Variants in PRSS56 observed in about 807,000 individuals in gnomAD.
PRSS56 encodes the protein serine protease 56, also known as protease, serine 56.
PRSS56 carries 55 observed loss-of-function variants against 66.8 expected under a neutral mutation model. The ratio of observed to expected loss-of-function variants is 0.82; its 90% confidence interval spans 0.66 to 1.03. The LOEUF (loss-of-function observed/expected upper bound fraction) is 1.03, where lower values mean the gene tolerates loss of function less well. PRSS56 is among the 50% of genes least tolerant of loss of function. PRSS56 has a pLI of 0.00. For missense variants in PRSS56, 869 were observed against 837.2 expected (o/e 1.04, Z -0.47); for synonymous variants, 409 against 387.9 (o/e 1.05, Z -0.64).
intron 2 of PRSS56, 113 bp from the exon 3 acceptor site, chr2:232,521,702 TG>T: frequency 9.4e-7 from 1 of 1,069,508 alleles, no homozygotes; most frequent in Non-Finnish European, 1.3e-6. Context: ...AGAACCCGTG[TG>T]GGCTGGAGGG....
Position 232,520,480 on chromosome 2 carries a change from G to T in PRSS56, c.-119G>T, listed in dbSNP as rs1691253498. The T allele has an allele frequency of 1.3e-6, 1 of 793,008 alleles. No homozygotes were observed. The highest frequency in any genetic ancestry group is 1.5e-5 in the South Asian group (1 of 68,296). 49.1% of individuals were successfully genotyped at this position (793,008 alleles called of 1,614,324 possible). On this transcript the variant is annotated 5_prime_UTR_variant, in exon 1 of 13. Transcript: ENST00000617714. Reference sequence around the variant, plus strand: ...CGGGGTCAGATGATTTGAGGGACAAGAATTCAGTGCCCGGGGGCCGAAAGG... The same window carrying T: ...CGGGGTCAGATGATTTGAGGGACAATAATTCAGTGCCCGGGGGCCGAAAGG...
intron 11 of PRSS56, 107 bp downstream of exon 11, chr2:232,524,476 C>T: frequency 2.7e-6 from 3 of 1,103,058 alleles, no homozygotes; most frequent in South Asian, 1.5e-5. Flanking sequence ...CATGGGGCAA[C>T]AGGGTGGACT....
chr2:232,522,044 G>A lies in PRSS56; in HGVS notation c.330G>A (p.Ala110=), dbSNP rs1015645906. Residue 110 remains alanine, a synonymous_variant, in exon 4 of 13, where the codon GCG becomes GCA. Coordinates refer to ENST00000617714, the MANE Select transcript of PRSS56 (RefSeq NM_001195129.2). The part of the protein sequence containing the change: ...RAHGRIVGGS[A]APPGAWPWLV... ...ACGGCCGCATCGTGGGGGGCAGCGC[G>A]GCGCCGCCCGGGGCCTGGCCCTGGC... 1.3e-6 allele frequency: 2 copies of A among 1,485,872 alleles called. No individual in the cohort carries two copies. Among genetic ancestry groups the A allele is most frequent in the Non-Finnish European group, 1.8e-6 (2 of 1,125,114 alleles). The allele number at this position is 1,485,872 out of a possible 1,614,324, so 92.0% of individuals were successfully genotyped here.
chr2:232,520,512 A>G lies in PRSS56; in HGVS notation c.-87A>G. The G allele has an allele frequency of 9.5e-7, 1 of 1,054,894 alleles. No homozygotes were observed. Among genetic ancestry groups the G allele is most frequent in the Non-Finnish European group, 1.4e-6 (1 of 708,018 alleles). The allele number at this position is 1,054,894 out of a possible 1,614,324, so 65.3% of individuals were successfully genotyped here. A position where few individuals can be genotyped will look rare whatever the true frequency, so the allele number is the denominator to read the frequency against. On this transcript the variant is annotated 5_prime_UTR_variant, in exon 1 of 13. Coordinates refer to ENST00000617714, the MANE Select transcript of PRSS56 (RefSeq NM_001195129.2). Reference sequence around the variant, plus strand: ...GTGCCCGGGGGCCGAAAGGCAGCAGAAGGCGGGCACCAAAGGATAGGCACC... The same window carrying G: ...GTGCCCGGGGGCCGAAAGGCAGCAGGAGGCGGGCACCAAAGGATAGGCACC...
At chr2:232,524,633 T>G in intron 11 of PRSS56, 105 bp from the exon 12 acceptor site, 1 of 796,564 alleles carries the variant, frequency 1.3e-6, no homozygotes, top group South Asian at 1.8e-5. Context: ...CATAAGAGGA[T>G]AAGTGTGTCC....
At position 232,522,025 on chromosome 2, in the gene PRSS56, G is replaced by A; in HGVS notation, c.311G>A (p.Arg104His). ...STANVTRAHG[R>H]IVGGSAAPPG... ...GCCAATGTGACGCGGGCCCACGGCC[G>A]CATCGTGGGGGGCAGCGCGGCGCCG... Residue 104 changes from arginine to histidine, a missense_variant, in exon 4 of 13, where the codon CGC becomes CAC. By Grantham distance (29) the Arg-to-His change is conservative (BLOSUM62 0). Around this residue, in one of 3 missense-constraint regions of PRSS56, gnomAD observed 315 missense variants for 313.7 expected, o/e 1.00. Coordinates refer to ENST00000617714, the MANE Select transcript of PRSS56 (RefSeq NM_001195129.2). 4 of 1,457,512 alleles carry A rather than the reference G, an allele frequency of 2.7e-6. No homozygotes were observed. Among genetic ancestry groups the A allele is most frequent in the East Asian group, 2.6e-5 (1 of 38,742 alleles). The allele number at this position is 1,457,512 out of a possible 1,614,324, so 90.3% of individuals were successfully genotyped here. A position where few individuals can be genotyped will look rare whatever the true frequency, so the allele number is the denominator to read the frequency against.
At position 232,521,383 on chromosome 2, in the gene PRSS56, A is replaced by G; in HGVS notation, c.160A>G (p.Asn54Asp). The G allele has an allele frequency of 6.5e-7, 1 of 1,536,090 alleles. No homozygotes were observed. The highest frequency in any genetic ancestry group is 8.7e-7 in the Non-Finnish European group (1 of 1,146,886). ...CCAGAGGAGCGCCCAGTGGGCAATA[A>G]ACCGAGTGGCGATGGAGATCCAGCA... ...AAQRSAQWAINRVAMEIQHRS... is the reference protein window; with the variant it reads ...AAQRSAQWAIDRVAMEIQHRS... Residue 54 changes from asparagine (N) to aspartate (D), a missense_variant, in exon 2 of 13, where the codon AAC (asparagine) becomes GAC (aspartate). Asn to Asp is a conservative substitution (Grantham distance 23, BLOSUM62 1). Transcript: ENST00000617714.
chr2:232,522,772 C>T lies in PRSS56; in HGVS notation c.617C>T (p.Ser206Leu). The stretch of plus-strand genomic sequence containing the variant: ...TGGACGCCGGTGAGCCCGGGGGGAT[C>T]GGCGCGCCCCGTGTGCCTGCCCCAG... Reference protein sequence around the residue: ...QLWTPVSPGGSARPVCLPQEP... With the variant: ...QLWTPVSPGGLARPVCLPQEP... Residue 206 changes from serine (S) to leucine (L), a missense_variant, in exon 6 of 13, where the codon TCG becomes TTG. Ser to Leu is a moderately radical substitution (Grantham distance 145, BLOSUM62 -2). This residue lies in a region of PRSS56 where 315 missense variants were observed against 313.7 expected (regional missense o/e 1.00). Transcript: ENST00000617714. 6.6e-7 allele frequency: 1 copy of T among 1,523,928 alleles called. No individual in the cohort carries two copies. The highest frequency in any genetic ancestry group is 8.8e-7 in the Non-Finnish European group (1 of 1,138,504). The allele number at this position is 1,523,928 out of a possible 1,614,324, so 94.4% of individuals were successfully genotyped here.
rs733603 is a variant in PRSS56 at position 232,522,925 on chromosome 2, A to G, written c.706+64A>G. 1,206,828 of 1,457,484 alleles carry G rather than the reference A, an allele frequency of 0.83. 500,195 individuals carry two copies. The highest frequency in any genetic ancestry group is 0.94 in the East Asian group (37,318 of 39,550). The allele number at this position is 1,457,484 out of a possible 1,614,324, so 90.3% of individuals were successfully genotyped here. On this transcript the variant is annotated intron_variant, in intron 6 of 12. Transcript: ENST00000617714. ...CTGGGGGTCCGAGGTAATAGAGTGT[A>G]GGGAGGCCGGGTTGCCTTGGAAAAA...
rs1574621061 is a variant in PRSS56, at chr2:232,520,460, T to G, written c.-139T>G. 3 of 705,794 alleles carry G rather than the reference T, an allele frequency of 4.3e-6. No homozygotes were observed. The highest frequency in any genetic ancestry group is 7.5e-6 in the Non-Finnish European group (3 of 399,380). The allele number at this position is 705,794 out of a possible 1,614,324, so 43.7% of individuals were successfully genotyped here. A position where few individuals can be genotyped will look rare whatever the true frequency, so the allele number is the denominator to read the frequency against. On this transcript the variant is annotated 5_prime_UTR_variant, in exon 1 of 13. Transcript: ENST00000617714. ...GTAATTTTGATGTAAGAGAACGGGG[T>G]CAGATGATTTGAGGGACAAGAATTC...
rs574913658 is a variant in PRSS56 at position 232,523,910 on chromosome 2, C to A, written c.1151C>A (p.Ala384Glu). The change falls in exon 9 of 13, where the codon GCG becomes GAG. Residue 384 changes from alanine to glutamate, a missense_variant. By Grantham distance (107) the Ala-to-Glu change is moderately radical (BLOSUM62 -1). Transcript: ENST00000617714. The stretch of plus-strand genomic sequence containing the variant: ...TCCCAGGGCGCCTGTGCGCGCCTGG[C>A]GCACCAGCAGTGCCTGCAGCGCCGG... Reference protein sequence around the residue: ...PGSQGACARLAHQQCLQRRRR... With the variant: ...PGSQGACARLEHQQCLQRRRR... 4.6e-6 allele frequency: 7 copies of A among 1,517,344 alleles called. No individual in the cohort carries two copies. Among genetic ancestry groups the A allele is most frequent in the Middle Eastern group, 1.9e-4 (1 of 5,390 alleles). 94.0% of individuals were successfully genotyped at this position (1,517,344 alleles called of 1,614,324 possible). A position where few individuals can be genotyped will look rare whatever the true frequency, so the allele number is the denominator to read the frequency against.
rs1379868560 is a variant in PRSS56, at chr2:232,521,305, C to A, written c.98-16C>A. 1.3e-6 allele frequency: 2 copies of A among 1,525,694 alleles called. No individual in the cohort carries two copies. The highest frequency in any genetic ancestry group is 1.8e-6 in the Non-Finnish European group (2 of 1,137,588). The allele number at this position is 1,525,694 out of a possible 1,614,324, so 94.5% of individuals were successfully genotyped here. A position where few individuals can be genotyped will look rare whatever the true frequency, so the allele number is the denominator to read the frequency against. ...TTCCCCAACCACGCATGATTGTGTG[C>A]CCCCTGTCCCAGCAGTTCTGTCGGC... On this transcript the variant is annotated splice_polypyrimidine_tract_variant and intron_variant, in intron 1 of 12. Coordinates refer to ENST00000617714, the MANE Select transcript of PRSS56 (RefSeq NM_001195129.2).
At chr2:232,520,718 G>A in intron 1 of PRSS56, 23 bp downstream of exon 1, 1 of 1,482,470 alleles carries the variant, frequency 6.7e-7, no homozygotes, top group Non-Finnish European at 9.1e-7. Flanking sequence ...TGGCCCGAGA[G>A]CCGCGGGGTT....
In PRSS56 at chr2:232,522,755, G is replaced by A. The variant is rs534508338; in HGVS notation, c.600G>A (p.Pro200=). Residue 200 remains proline, a synonymous_variant, in exon 6 of 13, where the codon CCG becomes CCA. Transcript: ENST00000617714. The stretch of plus-strand genomic sequence containing the variant: ...TGGCCCTGGTGCAGCTGTGGACGCC[G>A]GTGAGCCCGGGGGGATCGGCGCGCC... ...NDLALVQLWT[P]VSPGGSARPV... 3.0e-4 allele frequency: 461 copies of A among 1,531,796 alleles called. 4 individuals are homozygous for A. The African/African-American group carries it at 5.8e-3, about 19-fold the overall frequency. 94.9% of individuals were successfully genotyped at this position (1,531,796 alleles called of 1,614,324 possible). A position where few individuals can be genotyped will look rare whatever the true frequency, so the allele number is the denominator to read the frequency against.
Position 232,524,772 on chromosome 2 carries a change from G to A in PRSS56, c.1449G>A (p.Leu483=). ...GGCTGGAGCCCCTGCGACAGAAGTTGGCTGCCCTGCAGGGGGCCCATGCCT... is the reference window on the plus strand; with the variant it reads ...GGCTGGAGCCCCTGCGACAGAAGTTAGCTGCCCTGCAGGGGGCCCATGCCT... ...CPGLEPLRQK[L]AALQGAHAWI... Residue 483 remains leucine, a synonymous_variant, in exon 12 of 13, where the codon TTG becomes TTA. Coordinates refer to ENST00000617714, the MANE Select transcript of PRSS56 (RefSeq NM_001195129.2). 1 of 1,532,374 alleles carries A rather than the reference G, an allele frequency of 6.5e-7. No homozygotes were observed. Among genetic ancestry groups the A allele is most frequent in the East Asian group, 2.5e-5 (1 of 40,744 alleles). 94.9% of individuals were successfully genotyped at this position (1,532,374 alleles called of 1,614,324 possible).
At position 232,522,034 on chromosome 2, in the gene PRSS56, G is replaced by T. The variant is rs757549931; in HGVS notation, c.320G>T (p.Gly107Val). 5 of 1,466,456 alleles carry T rather than the reference G, an allele frequency of 3.4e-6. No homozygotes were observed. In the African/African-American group the frequency reaches 4.3e-5, roughly 13 times the overall value. 90.8% of individuals were successfully genotyped at this position (1,466,456 alleles called of 1,614,324 possible). A position where few individuals can be genotyped will look rare whatever the true frequency, so the allele number is the denominator to read the frequency against. ...ACGCGGGCCCACGGCCGCATCGTGG[G>T]GGGCAGCGCGGCGCCGCCCGGGGCC... is the stretch of plus-strand genomic sequence containing the variant. ...NVTRAHGRIVGGSAAPPGAWP... is the reference protein window; with the variant it reads ...NVTRAHGRIVVGSAAPPGAWP... Residue 107 changes from glycine to valine, a missense_variant, in exon 4 of 13, where the codon GGG (glycine) becomes GTG (valine). Gly to Val is a moderately radical substitution (Grantham distance 109). This residue lies in a region of PRSS56 where 315 missense variants were observed against 313.7 expected (regional missense o/e 1.00). Transcript: ENST00000617714.
intron 1 of PRSS56, 130 bp downstream of exon 1, chr2:232,520,825 G>A (rs935164580): frequency 2.9e-5 from 18 of 610,982 alleles, no homozygotes; most frequent in Middle Eastern, 4.3e-4. Context: ...TGCCCACCCT[G>A]CTGCGAGAAG....
rs1172770574 is a variant in PRSS56 at position 232,521,997 on chromosome 2, A to C, written c.283A>C (p.Thr95Pro). The C allele has an allele frequency of 4.1e-6, 6 of 1,454,320 alleles. No homozygotes were observed. In the African/African-American group the frequency reaches 7.2e-5, roughly 17 times the overall value. The allele number at this position is 1,454,320 out of a possible 1,614,324, so 90.1% of individuals were successfully genotyped here. A position where few individuals can be genotyped will look rare whatever the true frequency, so the allele number is the denominator to read the frequency against. Residue 95 changes from threonine (T) to proline (P), a missense_variant, in exon 4 of 13, where the codon ACT becomes CCT. By Grantham distance (38) the Thr-to-Pro change is conservative. Around this residue, in one of 3 missense-constraint regions of PRSS56, gnomAD observed 315 missense variants for 313.7 expected, o/e 1.00. Transcript: ENST00000617714. ...PGPCGERRPS[T>P]ANVTRAHGRI... ...GCCGTGCGGCGAGAGGCGTCCGAGC[A>C]CTGCCAATGTGACGCGGGCCCACGG...
intron 5 of PRSS56, 24 bp from the exon 6 acceptor site, chr2:232,522,678 C>A: frequency 1.3e-6 from 2 of 1,533,586 alleles, no homozygotes; most frequent in South Asian, 1.2e-5. Flanking sequence ...CTTCCTTGAC[C>A]CTGCGCCGCC....
Sources: allele counts gnomAD v4.1 joint callset, GRCh38; gene constraint gnomAD v4.1.1; regional missense constraint gnomAD v4.1.1; transcripts MANE v1.5; gene names NCBI Gene and HGNC (gene_info 2026-07-23, HGNC 2026-07-21).